The following CFLAR variants were observed in gnomAD, a reference collection of about 807,000 sequenced individuals.
CFLAR encodes CASP8 and FADD like apoptosis regulator.
A neutral mutation model predicts 51.1 loss-of-function variants in CFLAR; 14 were observed. The ratio of observed to expected loss-of-function variants is 0.27; its 90% confidence interval spans 0.18 to 0.43. CFLAR has a LOEUF of 0.43. Among genes scored for constraint, CFLAR ranks in the 20% least tolerant of loss-of-function variants. CFLAR has a pLI of 1.00. For synonymous variants in CFLAR, 210 were observed against 211.6 expected (o/e 0.99, Z 0.06); for missense variants, 390 against 566.5 (o/e 0.69, Z 3.16).
In CFLAR at chr2:201,166,247, G is replaced by A. The variant is rs1187804893; in HGVS notation, c.*2274G>A. The A allele has an allele frequency of 2.1e-5, 3 of 142,854 alleles. No homozygotes were observed. The highest frequency in any genetic ancestry group is 4.7e-5 in the Non-Finnish European group (3 of 63,500). The allele number at this position is 142,854 out of a possible 1,614,324, so 8.8% of individuals were successfully genotyped here. A position where few individuals can be genotyped will look rare whatever the true frequency, so the allele number is the denominator to read the frequency against. On this transcript the variant is annotated 3_prime_UTR_variant, in exon 10 of 10. Transcript: ENST00000309955. ...ACCTCCCTCCCCGACGGGGCGGCTG[G>A]CCGGGCGGGGGCTGACCCCCACGCC...
At chr2:201,123,164 A>G (rs1172051179) in intron 1 of CFLAR, among the ~76,000 whole-genome samples, 1 of 152,190 alleles carries the variant, frequency 6.6e-6, no homozygotes, top group East Asian at 1.9e-4. Flanking sequence ...TTTGATTTAG[A>G]TGCTTTCTCA....
chr2:201,161,123 GTAGT>G (rs1015202208), intron 9 of CFLAR, among the ~76,000 whole-genome samples, 181 bp downstream of exon 9: 1 of 152,190 alleles, frequency 6.6e-6, no homozygotes, highest in African/African-American at 2.4e-5. Flanking sequence ...TAAATACTTT[GTAGT>G]TAGTTAGTTT....
intron 8 of CFLAR, among the ~76,000 whole-genome samples, chr2:201,151,433 A>T (rs1941262977): frequency 6.6e-6 from 1 of 152,162 alleles, no homozygotes. Context: ...TACCATGGGG[A>T]GTTTTATGGG....
At position 201,164,057 on chromosome 2, in the gene CFLAR, G is replaced by A. The variant is rs528427165; in HGVS notation, c.*84G>A. On this transcript the variant is annotated 3_prime_UTR_variant, in exon 10 of 10. Coordinates refer to ENST00000309955, the MANE Select transcript of CFLAR (RefSeq NM_003879.7). ...AAGGAGGGCAGATCACTTCAGGTCAGGAGTTCGAGACCAGCCTGGCCAACA... is the reference window on the plus strand; with the variant it reads ...AAGGAGGGCAGATCACTTCAGGTCAAGAGTTCGAGACCAGCCTGGCCAACA... 4.3e-6 allele frequency: 5 copies of A among 1,157,736 alleles called. No homozygotes were observed. The East Asian group carries it at 1.3e-4, about 30-fold the overall frequency. The allele number at this position is 1,157,736 out of a possible 1,614,324, so 71.7% of individuals were successfully genotyped here.
rs761350907 is a variant in CFLAR, at chr2:201,144,883, ACTCTTGTCG to A, written c.607-493_607-485del. Among the ~76,000 whole-genome samples, 284 of 151,292 alleles carry A rather than the reference ACTCTTGTCG, an allele frequency of 1.9e-3. 1 individual carries two copies. The highest frequency in any genetic ancestry group is 2.2e-3 in the Non-Finnish European group (151 of 67,784). On this transcript the variant is annotated intron_variant, in intron 5 of 9. Coordinates refer to ENST00000309955, the MANE Select transcript of CFLAR (RefSeq NM_003879.7). ...TTTTTGTGACAGAGTTTCACTTTTC[ACTCTTGTCG>A]CCCAGGCTGGAGTGCAATGGCACCA...
intron 6 of CFLAR, 77 bp from the exon 7 acceptor site, chr2:201,148,926 A>C: frequency 1.1e-6 from 1 of 948,210 alleles, no homozygotes. Context: ...GTTGTTATAC[A>C]AAGAAACTCA....
rs112683965 is a variant in CFLAR, at chr2:201,167,972, G to C, written c.*3999G>C. Reference sequence around the variant, plus strand: ...ATTAAAATGTTTGGAGGCCGGGTGCGGTGGCTCACGCCTATAATCCCAGCC... The same window carrying C: ...ATTAAAATGTTTGGAGGCCGGGTGCCGTGGCTCACGCCTATAATCCCAGCC... On this transcript the variant is annotated 3_prime_UTR_variant, in exon 10 of 10. Coordinates refer to ENST00000309955, the MANE Select transcript of CFLAR (RefSeq NM_003879.7). The C allele has an allele frequency of 3.3e-5, 5 of 152,348 alleles. No homozygotes were observed. Among genetic ancestry groups the C allele is most frequent in the African/African-American group, 1.2e-4 (5 of 41,566 alleles). 9.4% of individuals were successfully genotyped at this position (152,348 alleles called of 1,614,324 possible). A position where few individuals can be genotyped will look rare whatever the true frequency, so the allele number is the denominator to read the frequency against.
At chr2:201,127,424 G>A (rs1297689429) in intron 1 of CFLAR, among the ~76,000 whole-genome samples, 1 of 152,144 alleles carries the variant, frequency 6.6e-6, no homozygotes, top group African/African-American at 2.4e-5. Context: ...GAAGGCTGAG[G>A]TAGGAGAATC....
chr2:201,135,703 C>T (rs2050011987), intron 3 of CFLAR, among the ~76,000 whole-genome samples: 1 of 139,008 alleles, frequency 7.2e-6, no homozygotes, highest in South Asian at 2.2e-4. Flanking sequence ...AATCACTGCT[C>T]ACTGCCTTGA....
intron 8 of CFLAR, among the ~76,000 whole-genome samples, chr2:201,158,836 C>T (rs1460283584): frequency 6.1e-5 from 9 of 147,620 alleles, no homozygotes; most frequent in African/African-American, 1.2e-4. Flanking sequence ...GATCCTGTAA[C>T]GGCATTTGCC....
chr2:201,140,043 C>G, intron 4 of CFLAR: 1 of 314,208 alleles, frequency 3.2e-6, no homozygotes, highest in South Asian at 2.4e-5. Flanking sequence ...CGCGAGACCC[C>G]GCGACCCGAC....
At position 201,116,492 on chromosome 2, in the gene CFLAR, C is replaced by T. The variant is rs879486016; in HGVS notation, c.-138+11C>T. The T allele has an allele frequency of 5.9e-5, 9 of 152,376 alleles. No individual in the cohort carries two copies. The highest frequency in any genetic ancestry group is 1.0e-4 in the Non-Finnish European group (7 of 68,182). The allele number at this position is 152,376 out of a possible 1,614,324, so 9.4% of individuals were successfully genotyped here. ...GGCCGCGACAGGACGGTACGTGCCC[C>T]GCGCTCGACCCCCGCGCTGGCGGCG... On this transcript the variant is annotated intron_variant, in intron 1 of 9. Coordinates refer to ENST00000309955, the MANE Select transcript of CFLAR (RefSeq NM_003879.7). This position sits in a 1 kb window ranked among gnomAD's most constrained non-coding sequence, Gnocchi z 4.8.
At position 201,167,018 on chromosome 2, in the gene CFLAR, G is replaced by A. The variant is rs767140182; in HGVS notation, c.*3045G>A. ...AAAATTTTTTAAAATTGCTGAACAG[G>A]GGTACCTCTGGGCAGTGTGTCAGAA... On this transcript the variant is annotated 3_prime_UTR_variant, in exon 10 of 10. Transcript: ENST00000309955. 6.6e-6 allele frequency: 1 copy of A among 151,990 alleles called. No homozygotes were observed. The highest frequency in any genetic ancestry group is 6.6e-5 in the Admixed American group (1 of 15,254). 9.4% of individuals were successfully genotyped at this position (151,990 alleles called of 1,614,324 possible).
At chr2:201,125,388 A>G (rs2125628769) in intron 1 of CFLAR, among the ~76,000 whole-genome samples, 1 of 152,290 alleles carries the variant, frequency 6.6e-6, no homozygotes, top group Admixed American at 6.5e-5. Context: ...GGGGACCCTC[A>G]GGCTTTTTTG....
chr2:201,138,470 CCT>C lies in CFLAR; in HGVS notation c.524-1884_524-1883del. 1 of 959,816 alleles carries C rather than the reference CCT, an allele frequency of 1.0e-6. No homozygotes were observed. The highest frequency in any genetic ancestry group is 1.7e-6 in the Non-Finnish European group (1 of 592,636). 59.5% of individuals were successfully genotyped at this position (959,816 alleles called of 1,614,324 possible). ...TTACTAAGCTGCAGGATCTCATTTG[CCT>C]CTTTCAACCTCACACTGCTGGAGCC... On this transcript the variant is annotated intron_variant, in intron 4 of 9. Coordinates refer to ENST00000309955, the MANE Select transcript of CFLAR (RefSeq NM_003879.7). The surrounding 1 kb of genome is among the most constrained non-coding windows in gnomAD (Gnocchi z 4.0).
chr2:201,132,034 A>G (rs1452564127), intron 2 of CFLAR, among the ~76,000 whole-genome samples: 1 of 152,096 alleles, frequency 6.6e-6, no homozygotes, highest in African/African-American at 2.4e-5. Context: ...TCTTCCACCT[A>G]TTCAGCCATC....
rs71022347 is a variant in CFLAR, at chr2:201,165,587, ATT to A, written c.*1625_*1626del. ...GCACCTGGCCTATTATTATTTTTAAATTTTTTTTTTTTAATTGATCATTCTTG... is the reference window on the plus strand; with the variant it reads ...GCACCTGGCCTATTATTATTTTTAAATTTTTTTTTTAATTGATCATTCTTG... On this transcript the variant is annotated 3_prime_UTR_variant, in exon 10 of 10. Coordinates refer to ENST00000309955, the MANE Select transcript of CFLAR (RefSeq NM_003879.7). The A allele has an allele frequency of 1.5e-4, 22 of 150,346 alleles. No individual in the cohort carries two copies. The highest frequency in any genetic ancestry group is 2.6e-4 in the Non-Finnish European group (18 of 68,110). 9.3% of individuals were successfully genotyped at this position (150,346 alleles called of 1,614,324 possible). A position where few individuals can be genotyped will look rare whatever the true frequency, so the allele number is the denominator to read the frequency against.
Position 201,169,876 on chromosome 2 carries a change from G to A in CFLAR, c.*5903G>A, listed in dbSNP as rs1943907780. On this transcript the variant is annotated 3_prime_UTR_variant, in exon 10 of 10. Transcript: ENST00000309955. ...AAAAGCTCAACCTTACTGATCATTA[G>A]AGAAATGCAAAGGAGAACCACAATG... 1 of 152,212 alleles carries A rather than the reference G, an allele frequency of 6.6e-6. No homozygotes were observed. The highest frequency in any genetic ancestry group is 1.5e-5 in the Non-Finnish European group (1 of 68,040). 9.4% of individuals were successfully genotyped at this position (152,212 alleles called of 1,614,324 possible). A position where few individuals can be genotyped will look rare whatever the true frequency, so the allele number is the denominator to read the frequency against.
At chr2:201,128,615 T>G (rs913273531) in intron 1 of CFLAR, among the ~76,000 whole-genome samples, 3 of 152,224 alleles carry the variant, frequency 2.0e-5, no homozygotes, top group African/African-American at 7.2e-5. Flanking sequence ...ATTCAGTGCT[T>G]CTTTCACTAA....
Sources: gnomAD v4.1 joint callset for allele counts (sites outside exome capture counted in the v4.1 genomes callset) on GRCh38, gnomAD v4.1.1 for gene constraint, Gnocchi (gnomAD v3.1) non-coding constraint, MANE v1.5 for transcripts, NCBI Gene and HGNC (gene_info 2026-07-23, HGNC 2026-07-21) for gene names.